Variants in TYW1B observed in about 807,000 individuals in gnomAD.
The protein encoded by TYW1B is S-adenosyl-L-methionine-dependent tRNA 4-demethylwyosine synthase TYW1B.
In TYW1B, 73 loss-of-function variants were observed where a neutral mutation model predicts 86.9. The ratio of observed to expected loss-of-function variants is 0.84; its 90% CI spans 0.70 to 1.02. TYW1B has a LOEUF of 1.02. Among genes scored for constraint, TYW1B ranks in the 50% least tolerant of loss-of-function variants. The pLI, the probability that TYW1B is intolerant of heterozygous loss-of-function variation, is 0.00. For missense variants in TYW1B, 637 were observed against 827.4 expected (o/e 0.77, Z 2.82); for synonymous variants, 248 against 292.8 (o/e 0.85, Z 1.56).
At chr7:72,597,352 T>C (rs1554432785) in intron 13 of TYW1B, among the ~76,000 whole-genome samples, 2 of 152,170 alleles carry the variant, frequency 1.3e-5, no homozygotes, top group African/African-American at 4.8e-5. Context: ...CAAATGTCCA[T>C]GTTAGCTTAG....
intron 13 of TYW1B, among the ~76,000 whole-genome samples, chr7:72,611,016 T>A (rs1811921335): frequency 6.6e-6 from 1 of 152,196 alleles, no homozygotes; most frequent in Non-Finnish European, 1.5e-5. Context: ...AACCCTTCTC[T>A]TGACCTTCAG....
chr7:72,725,747 C>T (rs1786986672), intron 9 of TYW1B, among the ~76,000 whole-genome samples: 1 of 152,158 alleles, frequency 6.6e-6, no homozygotes, highest in Non-Finnish European at 1.5e-5. Context: ...TGAACTCCCA[C>T]TCTTCCCTGA....
intron 13 of TYW1B, among the ~76,000 whole-genome samples, chr7:72,607,866 AAC>A (rs1554435163): frequency 6.6e-6 from 1 of 151,192 alleles, no homozygotes; most frequent in Non-Finnish European, 1.5e-5. Context: ...ATGCCTCCAA[AAC>A]AACAGACCCA....
At chr7:72,598,511 G>A (rs559227602) in intron 13 of TYW1B, among the ~76,000 whole-genome samples, 18 of 152,294 alleles carry the variant, frequency 1.2e-4, no homozygotes, top group Admixed American at 1.2e-3. Flanking sequence ...GAAGAGTGGA[G>A]GTGTCTTGAG....
intron 11 of TYW1B, among the ~76,000 whole-genome samples, chr7:72,685,782 G>A (rs192900154): frequency 5.3e-5 from 8 of 152,280 alleles, no homozygotes; most frequent in Admixed American, 1.3e-4. Context: ...CCAAAGGCAT[G>A]ACCCATGAGA....
At chr7:72,689,610 AT>A (rs1814091543) in intron 11 of TYW1B, among the ~76,000 whole-genome samples, 1 of 152,188 alleles carries the variant, frequency 6.6e-6, no homozygotes, top group Non-Finnish European at 1.5e-5. Context: ...TGTCTTTAAC[AT>A]GACAGTCATA....
At chr7:72,617,974 T>C (rs1812118203) in intron 12 of TYW1B, among the ~76,000 whole-genome samples, 1 of 152,176 alleles carries the variant, frequency 6.6e-6, no homozygotes, top group Admixed American at 6.6e-5. Flanking sequence ...AGATTTATCT[T>C]ATTTCTTGAA....
intron 11 of TYW1B, among the ~76,000 whole-genome samples, chr7:72,653,791 T>C (rs1554443186): frequency 6.8e-6 from 1 of 147,650 alleles, no homozygotes; most frequent in African/African-American, 2.5e-5. Context: ...CATGATAAAA[T>C]CCTTAGCAGG....
At chr7:72,783,158 G>A (rs1473211783) in intron 6 of TYW1B, among the ~76,000 whole-genome samples, 9 of 152,092 alleles carry the variant, frequency 5.9e-5, no homozygotes, top group Non-Finnish European at 1.2e-4. Flanking sequence ...CAGCACTTTG[G>A]GAGGCTGAGG....
chr7:72,798,573 T>G lies in TYW1B; in HGVS notation c.846+3827A>C, dbSNP rs1227028855. On this transcript the variant is annotated intron_variant, in intron 6 of 13. Transcript: ENST00000620995. ...GAGTTGTTTGCTATGTATGCTGCAA[T>G]GCATAAGCCTGTGGAAATGCTGTTT... is the stretch of plus-strand genomic sequence containing the variant. 2.6e-5 allele frequency among the ~76,000 whole-genome samples: 4 copies of G among 152,284 alleles called. No individual in the cohort carries two copies. In the East Asian group the frequency reaches 7.7e-4, roughly 29 times the overall value.
Position 72,826,997 on chromosome 7 carries a change from A to G in TYW1B, c.5-12T>C, listed in dbSNP as rs1788945552. The G allele has an allele frequency of 1.2e-6, 2 of 1,600,416 alleles. No individual in the cohort carries two copies. Among genetic ancestry groups the G allele is most frequent in the Non-Finnish European group, 1.7e-6 (2 of 1,175,530 alleles). ...ATCCGCAGAAGGATCTAAATTTAAA[A>G]TGACACACACAGATAATTTCATTTA... is the stretch of plus-strand genomic sequence containing the variant. On this transcript the variant is annotated splice_polypyrimidine_tract_variant and intron_variant, in intron 1 of 13. Transcript: ENST00000620995.
chr7:72,584,506 A>C (rs1554430186), intron 13 of TYW1B, among the ~76,000 whole-genome samples: 1 of 151,358 alleles, frequency 6.6e-6, no homozygotes. Context: ...CCCAGGCTAG[A>C]GTGCAGTGGC....
At chr7:72,582,793 T>A (rs782648956) in intron 13 of TYW1B, among the ~76,000 whole-genome samples, 10 of 152,200 alleles carry the variant, frequency 6.6e-5, no homozygotes, top group Non-Finnish European at 8.8e-5. Flanking sequence ...ATATTTGAGA[T>A]GGCAGAGAGT....
Position 72,756,195 on chromosome 7 carries a change from A to ATTGTTTTT in TYW1B, c.965-11595_965-11594insAAAAACAA, listed in dbSNP as rs1787584055. Among the ~76,000 whole-genome samples the ATTGTTTTT allele has an allele frequency of 2.8e-3, 316 of 112,420 alleles. 1 individual carries two copies. Among genetic ancestry groups the ATTGTTTTT allele is most frequent in the Non-Finnish European group, 4.7e-3 (229 of 48,998 alleles). The allele number at this position is 112,420 out of a possible 152,430, so 73.8% of individuals were successfully genotyped here. On this transcript the variant is annotated intron_variant, in intron 7 of 13. Transcript: ENST00000620995. ...TTGGTTTAATTAGAACTGCCAGTTT[A>ATTGTTTTT]TTATTTTTTTATTTTATTTTATTTT...
intron 8 of TYW1B, among the ~76,000 whole-genome samples, chr7:72,740,232 CA>C (rs1404929408): frequency 6.7e-6 from 1 of 149,376 alleles, no homozygotes; most frequent in African/African-American, 2.5e-5. Flanking sequence ...GACTCTGTCT[CA>C]AAAAAAAGAA....
At chr7:72,677,317 T>G (rs1554447628) in intron 11 of TYW1B, among the ~76,000 whole-genome samples, 2 of 151,880 alleles carry the variant, frequency 1.3e-5, no homozygotes. Flanking sequence ...CTGGTTGATT[T>G]TTTTTTTTTT....
At chr7:72,824,033 C>CA (rs1321778899) in intron 2 of TYW1B, among the ~76,000 whole-genome samples, 1 of 151,928 alleles carries the variant, frequency 6.6e-6, no homozygotes, top group Non-Finnish European at 1.5e-5. Context: ...ATTAAAAGGA[C>CA]TTTGCTTTGG....
At chr7:72,616,926 G>C in intron 12 of TYW1B, 87 bp from the exon 13 acceptor site, 2 of 1,542,520 alleles carry the variant, frequency 1.3e-6, no homozygotes, top group Non-Finnish European at 1.8e-6. Flanking sequence ...CCTTCTTGAG[G>C]TCAACCAATG....
chr7:72,775,089 CAT>C (rs1482285374), intron 7 of TYW1B, among the ~76,000 whole-genome samples: 1 of 152,034 alleles, frequency 6.6e-6, no homozygotes, highest in African/African-American at 2.4e-5. Flanking sequence ...AACTTGAAAA[CAT>C]AGCAATAGAA....
Sources: allele counts gnomAD v4.1 joint callset (sites outside exome capture counted in the v4.1 genomes callset), GRCh38; gene constraint gnomAD v4.1.1; transcripts MANE v1.5; gene names NCBI Gene and HGNC (gene_info 2026-07-23, HGNC 2026-07-21).